Variants in CNOT2 observed in about 807,000 individuals in gnomAD.
CNOT2 encodes CC chemokine receptor 4-negative regulator of transcription 2.
CNOT2 carries 7 observed loss-of-function variants against 72.1 expected under a neutral mutation model. The observed-to-expected ratio is 0.10, with a 90% confidence interval of 0.06 to 0.18. The LOEUF (loss-of-function observed/expected upper bound fraction) is 0.18. Among genes scored for constraint, CNOT2 ranks in the 10% least tolerant of loss-of-function variants. The pLI is 1.00. For synonymous variants in CNOT2, 196 were observed against 225.6 expected, an observed-to-expected ratio of 0.87 and a Z score of 1.17; for missense variants, 345 against 660.3, an observed-to-expected ratio of 0.52 and a Z score of 5.23.
At chr12:70,344,411 T>A (rs1051182255) in intron 14 of CNOT2, 183 bp downstream of exon 14, 18 of 508,070 alleles carry the variant, frequency 3.5e-5, no homozygotes, top group African/African-American at 3.2e-4. Context: ...CTTCATAATC[T>A]ATATACCTAA....
intron 3 of CNOT2, among the ~76,000 whole-genome samples, chr12:70,314,332 C>T (rs1056832683): frequency 6.6e-6 from 1 of 151,816 alleles, no homozygotes; most frequent in African/African-American, 2.4e-5. Flanking sequence ...ACATCAGTCT[C>T]TGTGTGTCTC....
intron 1 of CNOT2, among the ~76,000 whole-genome samples, chr12:70,266,301 T>G (rs996836406): frequency 6.6e-6 from 1 of 152,138 alleles, no homozygotes; most frequent in Admixed American, 6.5e-5. Context: ...TTTTGTATTT[T>G]TAGCAGAGAT....
chr12:70,278,961 G>GT (rs1307107973), intron 2 of CNOT2, among the ~76,000 whole-genome samples: 2 of 152,122 alleles, frequency 1.3e-5, no homozygotes, highest in African/African-American at 4.8e-5. Context: ...TTTGAATTTA[G>GT]TTTTTTAAAG....
intron 1 of CNOT2, among the ~76,000 whole-genome samples, chr12:70,254,662 T>G (rs1450793695): frequency 6.6e-6 from 1 of 152,166 alleles, no homozygotes; most frequent in Admixed American, 6.5e-5. Context: ...TGCTTTGCCC[T>G]TTATGCATTT....
chr12:70,339,571 T>TCTG, intron 11 of CNOT2, among the ~76,000 whole-genome samples: 1 of 152,274 alleles, frequency 6.6e-6, no homozygotes, highest in East Asian at 1.9e-4. Flanking sequence ...GCTACTGAGC[T>TCTG]CTGCTAGAGA....
chr12:70,305,947 A>G (rs1177645691), intron 2 of CNOT2, among the ~76,000 whole-genome samples: 2 of 109,370 alleles, frequency 1.8e-5, no homozygotes, highest in African/African-American at 7.4e-5. Context: ...GAAATACTGT[A>G]TTTAAATGTT....
At chr12:70,259,273 A>T (rs755754959) in intron 1 of CNOT2, among the ~76,000 whole-genome samples, 4 of 151,576 alleles carry the variant, frequency 2.6e-5, no homozygotes, top group African/African-American at 4.9e-5. Flanking sequence ...GACCGGGCTT[A>T]GTTTTTAGTG....
At chr12:70,269,621 T>C (rs1959179236) in intron 1 of CNOT2, among the ~76,000 whole-genome samples, 1 of 152,220 alleles carries the variant, frequency 6.6e-6, no homozygotes, top group Admixed American at 6.5e-5. Flanking sequence ...ATTTGAGATT[T>C]GAAGCAACTA....
intron 1 of CNOT2, among the ~76,000 whole-genome samples, chr12:70,264,014 T>C (rs1422448801): frequency 6.6e-6 from 1 of 152,226 alleles, no homozygotes; most frequent in Non-Finnish European, 1.5e-5. Flanking sequence ...TATATATCTG[T>C]TAAAACCTCT....
intron 2 of CNOT2, among the ~76,000 whole-genome samples, chr12:70,289,618 C>T (rs927819525): frequency 1.3e-5 from 2 of 151,988 alleles, no homozygotes; most frequent in African/African-American, 4.8e-5. Context: ...ATGCTTTGTT[C>T]ATTTTTTTCT....
At chr12:70,273,672 G>A (rs1365123888) in intron 1 of CNOT2, among the ~76,000 whole-genome samples, 3 of 152,178 alleles carry the variant, frequency 2.0e-5, no homozygotes, top group South Asian at 2.1e-4. Flanking sequence ...AACTTTTGTC[G>A]TTTAAGATCA....
At chr12:70,255,464 T>C (rs139648476) in intron 1 of CNOT2, among the ~76,000 whole-genome samples, 408 of 152,240 alleles carry the variant, frequency 2.7e-3, no homozygotes, top group Non-Finnish European at 4.0e-3. Context: ...CTGAGCCTTT[T>C]GAAGCATTAA....
chr12:70,332,763 C>T lies in CNOT2; in HGVS notation c.570-4C>T, dbSNP rs1880144454. On this transcript the variant is annotated splice_region_variant and splice_polypyrimidine_tract_variant and intron_variant, in intron 6 of 15. Coordinates refer to ENST00000229195, the MANE Select transcript of CNOT2 (RefSeq NM_014515.7). ...ATATCTAAAACTATTTTCTATGTAC[C>T]CAGTATGTCTGGATTTGGAATGAAC... 1.9e-6 allele frequency: 3 copies of T among 1,595,594 alleles called. No homozygotes were observed. The highest frequency in any genetic ancestry group is 2.6e-6 in the Non-Finnish European group (3 of 1,172,130).
intron 1 of CNOT2, among the ~76,000 whole-genome samples, chr12:70,271,336 G>A (rs1295676735): frequency 1.3e-5 from 2 of 151,124 alleles, no homozygotes; most frequent in Non-Finnish European, 2.9e-5. Flanking sequence ...CTGACAAGAG[G>A]GATAGGATTA....
intron 2 of CNOT2, among the ~76,000 whole-genome samples, chr12:70,284,320 C>T (rs981353005): frequency 6.6e-6 from 1 of 151,950 alleles, no homozygotes; most frequent in African/African-American, 2.4e-5. Flanking sequence ...TCTCCGCTCA[C>T]TGCAACCTCT....
Position 70,338,802 on chromosome 12 carries a change from C to T in CNOT2, c.1158C>T (p.Gly386=). ...LALGSDLTTL[G]LNLNSPENLY... ...TAGGAAGTGACTTAACAACATTAGG[C>T]CTCAATCTGAACTCTCCTGAGTAAG... The change falls in exon 11 of 16, where the codon GGC becomes GGT. Residue 386 remains glycine (G), a synonymous_variant. Coordinates refer to ENST00000229195, the MANE Select transcript of CNOT2 (RefSeq NM_014515.7). 1 of 1,613,214 alleles carries T rather than the reference C, an allele frequency of 6.2e-7. No homozygotes were observed. The highest frequency in any genetic ancestry group is 1.1e-5 in the South Asian group (1 of 91,044).
intron 1 of CNOT2, among the ~76,000 whole-genome samples, chr12:70,251,010 AG>A (rs1346325034): frequency 6.6e-6 from 1 of 152,132 alleles, no homozygotes; most frequent in Non-Finnish European, 1.5e-5. Flanking sequence ...GCAGGGGTTG[AG>A]GGGTGGTCTG....
At chr12:70,297,612 G>A (rs1277176179) in intron 2 of CNOT2, 2 of 178,530 alleles carry the variant, frequency 1.1e-5, no homozygotes, top group African/African-American at 4.8e-5. Context: ...TTCCTTGAAA[G>A]GTTAAATTGT....
chr12:70,315,912 A>G lies in CNOT2; in HGVS notation c.172-3386A>G, dbSNP rs184343057. Among the ~76,000 whole-genome samples, 482 of 148,304 alleles carry G rather than the reference A, an allele frequency of 3.3e-3. 5 individuals carry two copies. The highest frequency in any genetic ancestry group is 0.012 in the African/African-American group (441 of 37,836). ...GCAAAAAGTTATATAAATTAAGGGTATTATTTAATACATTTCTCAAGAGTC... is the reference window on the plus strand; with the variant it reads ...GCAAAAAGTTATATAAATTAAGGGTGTTATTTAATACATTTCTCAAGAGTC... On this transcript the variant is annotated intron_variant, in intron 3 of 15. Transcript: ENST00000229195.
Sources: allele counts gnomAD v4.1 joint callset (sites outside exome capture counted in the v4.1 genomes callset), GRCh38; gene constraint gnomAD v4.1.1; transcripts MANE v1.5; gene names NCBI Gene and HGNC (gene_info 2026-07-23, HGNC 2026-07-21).